The following CAPRIN2 variants were observed in gnomAD, a reference collection of about 807,000 sequenced individuals.
CAPRIN2 encodes caprin family member 2.
Under a neutral mutation model 130.4 loss-of-function variants are expected in CAPRIN2, and 66 were observed. That is an observed-to-expected ratio of 0.51 (90% CI 0.42 to 0.62). The LOEUF (loss-of-function observed/expected upper bound fraction) is 0.62. Among genes scored for constraint, CAPRIN2 ranks in the 20% least tolerant of loss-of-function variants. The pLI, the probability that CAPRIN2 is intolerant of heterozygous loss-of-function variation, is 0.00. For synonymous variants in CAPRIN2, 471 were observed against 444.1 expected, an observed-to-expected ratio of 1.06 and a Z score of -0.76; for missense variants, 1,185 against 1,246.6, an observed-to-expected ratio of 0.95 and a Z score of 0.74.
intron 11 of CAPRIN2, among the ~76,000 whole-genome samples, chr12:30,722,907 A>G (rs1311867137): frequency 6.6e-6 from 1 of 152,220 alleles, no homozygotes; most frequent in African/African-American, 2.4e-5. Flanking sequence ...CTGTCTCAAT[A>G]AAACAACAAC....
At chr12:30,715,216 C>A in intron 13 of CAPRIN2, 75 bp from the exon 16 acceptor site, 2 of 1,177,070 alleles carry the variant, frequency 1.7e-6, no homozygotes, top group Non-Finnish European at 1.2e-6. Flanking sequence ...CAATATATAT[C>A]AAAATCATTA....
exon 6 of CAPRIN2, chr12:30,731,507 T>C: frequency 6.2e-7 from 1 of 1,611,780 alleles, no homozygotes; most frequent in East Asian, 2.2e-5. Context: ...CTTCAAGTGT[T>C]TGTCTAAGAA....
chr12:30,723,759 T>G (rs925530195), intron 10 of CAPRIN2, among the ~76,000 whole-genome samples: 13 of 152,210 alleles, frequency 8.5e-5, no homozygotes, highest in Non-Finnish European at 1.8e-4. Context: ...ATAGTTTGTT[T>G]TGTTTCTTCT....
Position 30,711,701 on chromosome 12 carries a change from C to T in CAPRIN2, c.2602-72G>A, listed in dbSNP as rs759182449. On this transcript the variant is annotated intron_variant, in intron 15 of 16. Transcript: ENST00000298892. ...TATAATTGGTTATTACACAGGACTA[C>T]CGGCTGGCAAATAAGATTAGTCCCC... is the stretch of plus-strand genomic sequence containing the variant. The T allele has an allele frequency of 5.6e-6, 7 of 1,243,404 alleles. No homozygotes were observed. In the East Asian group the frequency reaches 1.4e-4, roughly 25 times the overall value. The allele number at this position is 1,243,404 out of a possible 1,614,324, so 77.0% of individuals were successfully genotyped here.
chr12:30,723,396 A>C (rs2059978014), intron 10 of CAPRIN2, 82 bp from the exon 12 acceptor site: 1 of 933,356 alleles, frequency 1.1e-6, no homozygotes, highest in Non-Finnish European at 1.7e-6. Context: ...TAAAGTTTAC[A>C]CTTCACAAAA....
chr12:30,732,084 CT>C (rs140169898), intron 5 of CAPRIN2, among the ~76,000 whole-genome samples: 4,274 of 152,012 alleles, frequency 0.028, 184 homozygotes, highest in African/African-American at 0.095. Flanking sequence ...AAAACCCTAT[CT>C]TTTACAAACT....
Position 30,715,143 on chromosome 12 carries a change from T to C in CAPRIN2, c.2318-2A>G, listed in dbSNP as rs1480591217. ...TAGTTCCATCAGGATGATAATTTGC[T>C]GCTTAAGAAAAACGATTTTAGGGTC... On this transcript the variant is annotated splice_acceptor_variant, in intron 13 of 16. Transcript: ENST00000298892. LOFTEE classifies it high-confidence loss of function. 11 of 1,613,306 alleles carry C rather than the reference T, an allele frequency of 6.8e-6. No individual in the cohort carries two copies. The highest frequency in any genetic ancestry group is 9.3e-6 in the Non-Finnish European group (11 of 1,179,506).
intron 6 of CAPRIN2, 30 bp downstream of exon 7, chr12:30,731,313 C>A: frequency 1.3e-6 from 2 of 1,593,784 alleles, no homozygotes; most frequent in Non-Finnish European, 1.7e-6. Context: ...AATGCAACCA[C>A]TATAAGGATT....
chr12:30,747,827 T>C (rs2071465218), intron 2 of CAPRIN2, among the ~76,000 whole-genome samples: 1 of 152,164 alleles, frequency 6.6e-6, no homozygotes, highest in African/African-American at 2.4e-5. Context: ...TTGTGATTCA[T>C]GGGAGGATGT....
chr12:30,746,153 G>C (rs2070185282), intron 2 of CAPRIN2, among the ~76,000 whole-genome samples: 3 of 152,180 alleles, frequency 2.0e-5, no homozygotes, highest in Non-Finnish European at 4.4e-5. Context: ...AAGAATTGGT[G>C]AATGAGTAGA....
intron 3 of CAPRIN2, among the ~76,000 whole-genome samples, chr12:30,736,289 C>CAG (rs967085890): frequency 6.6e-6 from 1 of 151,888 alleles, no homozygotes; most frequent in Non-Finnish European, 1.5e-5. Flanking sequence ...TAACTAAAAA[C>CAG]TACTATCTCT....
chr12:30,717,281 G>A (rs1054357778), intron 12 of CAPRIN2, among the ~76,000 whole-genome samples: 6 of 152,136 alleles, frequency 3.9e-5, no homozygotes, highest in African/African-American at 7.2e-5. Context: ...ACTGTATAAC[G>A]CAAATGAACT....
intron 2 of CAPRIN2, among the ~76,000 whole-genome samples, chr12:30,746,923 A>G (rs1026602189): frequency 1.3e-5 from 2 of 152,234 alleles, no homozygotes; most frequent in Admixed American, 1.3e-4. Context: ...TGTAGATGCA[A>G]GAGTCTCCTA....
chr12:30,716,385 A>C, intron 13 of CAPRIN2, 123 bp downstream of exon 15: 1 of 861,084 alleles, frequency 1.2e-6, no homozygotes, highest in East Asian at 2.6e-5. Flanking sequence ...GGAACATGTA[A>C]AGAAATAATG....
rs1592048336 is a variant in CAPRIN2, at chr12:30,724,274, T to C, written c.1987+96A>G. The C allele has an allele frequency of 1.2e-5, 9 of 774,452 alleles. No homozygotes were observed. The East Asian group carries it at 2.3e-4, about 20-fold the overall frequency. 48.0% of individuals were successfully genotyped at this position (774,452 alleles called of 1,614,324 possible). A position where few individuals can be genotyped will look rare whatever the true frequency, so the allele number is the denominator to read the frequency against. On this transcript the variant is annotated intron_variant, in intron 10 of 16. Coordinates refer to ENST00000298892, the Ensembl canonical transcript of CAPRIN2. ...TAGAATAAATTAATACACCAACATA[T>C]TAGGACATCTAAAATAAAATCATTT...
In CAPRIN2 at chr12:30,716,694, C is replaced by G; in HGVS notation, c.2149-18G>C. The G allele has an allele frequency of 6.2e-7, 1 of 1,605,500 alleles. No homozygotes were observed. The highest frequency in any genetic ancestry group is 8.5e-7 in the Non-Finnish European group (1 of 1,175,538). On this transcript the variant is annotated intron_variant, in intron 12 of 16. Transcript: ENST00000298892. ...TTAAATACCTTAAAAGACAAGGACA[C>G]ACTGAGTCATTTGGGAAGTTTCAAA...
intron 10 of CAPRIN2, 119 bp downstream of exon 11, chr12:30,724,251 G>A (rs2060237455): frequency 1.5e-6 from 1 of 667,736 alleles, no homozygotes; most frequent in Non-Finnish European, 2.7e-6. Context: ...GATACAGTTA[G>A]AATAAATTAA....
intron 11 of CAPRIN2, 70 bp downstream of exon 12, chr12:30,723,189 G>T: frequency 9.4e-7 from 1 of 1,068,390 alleles, no homozygotes; most frequent in Non-Finnish European, 1.4e-6. Context: ...CAGTAAGTCT[G>T]ATTATTCTTT....
intron 15 of CAPRIN2, among the ~76,000 whole-genome samples, chr12:30,713,438 T>C (rs1190807126): frequency 2.0e-5 from 3 of 152,208 alleles, no homozygotes; most frequent in African/African-American, 7.2e-5. Flanking sequence ...GAAAGTCACA[T>C]TCTAATCTTA....
Sources: gnomAD v4.1 joint callset for allele counts (sites outside exome capture counted in the v4.1 genomes callset) on GRCh38, gnomAD v4.1.1 for gene constraint, MANE v1.5 for transcripts, NCBI Gene and HGNC (gene_info 2026-07-23, HGNC 2026-07-21) for gene names.